The following ANKRD17 variants were observed in gnomAD, a reference collection of about 807,000 sequenced individuals.
The protein encoded by ANKRD17 is ankyrin repeat domain 17, also known as ankyrin repeat domain-containing protein 17.
In ANKRD17, 19 loss-of-function variants were observed where a neutral mutation model predicts 229.7. The observed-to-expected ratio is 0.08, with a 90% confidence interval of 0.06 to 0.12. ANKRD17 has a LOEUF of 0.12. Ranked by LOEUF, ANKRD17 falls within the 10% of genes least tolerant of loss-of-function variation. The probability of loss-of-function intolerance (pLI) is 1.00; values close to 1 mark genes in which losing one functional copy is unlikely to be tolerated. For missense variants in ANKRD17, 2,176 were observed against 3,176.8 expected, an observed-to-expected ratio of 0.68 and a Z score of 7.57; for synonymous variants, 1,112 against 1,146.1, an observed-to-expected ratio of 0.97 and a Z score of 0.60.
chr4:73,146,659 A>C (rs1033703732), intron 10 of ANKRD17, 105 bp downstream of exon 10: 7 of 835,092 alleles, frequency 8.4e-6, no homozygotes, highest in Non-Finnish European at 1.2e-5. Context: ...AATAAAAAAA[A>C]CAATAAAACT....
chr4:73,202,396 T>C (rs1043582207), intron 1 of ANKRD17, among the ~76,000 whole-genome samples: 1 of 142,422 alleles, frequency 7.0e-6, no homozygotes, highest in African/African-American at 2.6e-5. Flanking sequence ...GATCAGAGTT[T>C]AGAGAAATTA....
Position 73,077,398 on chromosome 4 carries a change from T to A in ANKRD17, c.7544A>T (p.His2515Leu). The A allele has an allele frequency of 6.2e-7, 1 of 1,613,608 alleles. No homozygotes were observed. The highest frequency in any genetic ancestry group is 8.5e-7 in the Non-Finnish European group (1 of 1,179,830). Residue 2515 changes from histidine (H) to leucine (L), a missense_variant, in exon 32 of 34, where the codon CAT (histidine) becomes CTT (leucine). This residue lies in a region of ANKRD17 where 159 missense variants were observed against 214.3 expected (regional missense o/e 0.74). Transcript: ENST00000358602. ...TGIVTPSGTF[H>L]QHVPAGYMDF... is the part of the protein sequence containing the mutation. Reference sequence around the variant, plus strand: ...CATGTAGCCTGCAGGAACATGCTGATGGAATGTACCAGAAGGAGTTACAAT... The same window carrying A: ...CATGTAGCCTGCAGGAACATGCTGAAGGAATGTACCAGAAGGAGTTACAAT...
intron 3 of ANKRD17, among the ~76,000 whole-genome samples, chr4:73,157,949 G>GTAGT (rs1731889606): frequency 1.3e-5 from 2 of 151,870 alleles, no homozygotes; most frequent in Non-Finnish European, 2.9e-5. Context: ...AAAATTAGCC[G>GTAGT]GGCATGGCAG....
At chr4:73,105,690 G>T (rs144592260) in intron 24 of ANKRD17, among the ~76,000 whole-genome samples, 2 of 152,198 alleles carry the variant, frequency 1.3e-5, no homozygotes, top group African/African-American at 4.8e-5. Flanking sequence ...TAGTTTATTG[G>T]AGAAGGAGGT....
intron 1 of ANKRD17, among the ~76,000 whole-genome samples, chr4:73,234,160 TTC>T (rs1176279365): frequency 1.3e-5 from 2 of 152,176 alleles, no homozygotes; most frequent in Non-Finnish European, 2.9e-5. Context: ...CCAGATTATT[TTC>T]TCTTTTGATT....
intron 1 of ANKRD17, among the ~76,000 whole-genome samples, chr4:73,189,024 T>A (rs537881788): frequency 6.6e-6 from 1 of 152,288 alleles, no homozygotes; most frequent in East Asian, 1.9e-4. Context: ...CAATGACAGA[T>A]AAATCTAACC....
intron 30 of ANKRD17, among the ~76,000 whole-genome samples, chr4:73,084,847 T>C (rs1240011731): frequency 6.6e-6 from 1 of 152,038 alleles, no homozygotes; most frequent in Non-Finnish European, 1.5e-5. Flanking sequence ...AAAGTAAACA[T>C]AAATTAATAA....
chr4:73,220,188 A>C (rs1048535523), intron 1 of ANKRD17, among the ~76,000 whole-genome samples: 1 of 152,196 alleles, frequency 6.6e-6, no homozygotes, highest in African/African-American at 2.4e-5. Context: ...CTAAAATTAT[A>C]ATCATGTCTC....
intron 3 of ANKRD17, among the ~76,000 whole-genome samples, chr4:73,157,624 T>C (rs908505318): frequency 2.0e-5 from 3 of 152,186 alleles, no homozygotes; most frequent in Non-Finnish European, 4.4e-5. Flanking sequence ...TAAAGGCACC[T>C]ACAGATAATC....
rs1722732996 is a variant in ANKRD17, at chr4:73,090,923, A to G, written c.6705T>C (p.His2235=). 6.8e-6 allele frequency: 11 copies of G among 1,614,114 alleles called. No homozygotes were observed. The South Asian group carries it at 8.8e-5, about 13-fold the overall frequency. ...STQSACQNSV[H]PANKPIAPNF... ...TGGGAGCAATAGGCTTATTTGCTGG[A>G]TGTACTGAATTCTGACAAGCACTTT... The change falls in exon 29 of 34, where the codon CAT becomes CAC. Residue 2235 remains histidine (H), a synonymous_variant. Coordinates refer to ENST00000358602, the MANE Select transcript of ANKRD17 (RefSeq NM_032217.5).
chr4:73,184,497 C>A (rs1736010419), intron 1 of ANKRD17, among the ~76,000 whole-genome samples: 1 of 131,178 alleles, frequency 7.6e-6, no homozygotes, highest in African/African-American at 2.9e-5. Context: ...CCATTGCACC[C>A]AGCCTGAGGG....
chr4:73,162,827 A>G (rs969123679), intron 2 of ANKRD17, among the ~76,000 whole-genome samples: 9 of 152,096 alleles, frequency 5.9e-5, no homozygotes, highest in Middle Eastern at 3.4e-3. Context: ...GCTGCCCATC[A>G]GCATCACTTG....
At chr4:73,189,165 C>T (rs745713128) in intron 1 of ANKRD17, among the ~76,000 whole-genome samples, 1 of 152,062 alleles carries the variant, frequency 6.6e-6, no homozygotes, top group Non-Finnish European at 1.5e-5. Context: ...GATGGAAAAA[C>T]TCTCTAGTTC....
chr4:73,201,203 ACAGT>A (rs968800638), intron 1 of ANKRD17, among the ~76,000 whole-genome samples: 2 of 152,132 alleles, frequency 1.3e-5, no homozygotes, highest in South Asian at 2.1e-4. Flanking sequence ...AATGTAAATA[ACAGT>A]CAGAAAAAAA....
At chr4:73,161,411 GTTAC>G in intron 2 of ANKRD17, 63 bp from the exon 3 acceptor site, 1 of 1,545,932 alleles carries the variant, frequency 6.5e-7, no homozygotes, top group Non-Finnish European at 8.9e-7. Flanking sequence ...CAAAATTCAA[GTTAC>G]TTAAAGCTAT....
chr4:73,084,214 C>A (rs1371835287), intron 30 of ANKRD17, among the ~76,000 whole-genome samples: 2 of 152,062 alleles, frequency 1.3e-5, no homozygotes, highest in Admixed American at 6.6e-5. Flanking sequence ...ACTGTCTCTA[C>A]TAAAAATACA....
intron 1 of ANKRD17, among the ~76,000 whole-genome samples, chr4:73,254,777 A>G (rs896125958): frequency 6.6e-6 from 1 of 152,108 alleles, no homozygotes; most frequent in African/African-American, 2.4e-5. Context: ...TCCAAAAAAA[A>G]AAAAAGAAAG....
rs35160047 is a variant in ANKRD17, at chr4:73,250,589, C to CAAAAAAAAAAAAAAAAA, written c.393+7670_393+7686dup. Among the ~76,000 whole-genome samples the CAAAAAAAAAAAAAAAAA allele has an allele frequency of 6.1e-4, 18 of 29,408 alleles. 2 individuals are homozygous for CAAAAAAAAAAAAAAAAA. The highest frequency in any genetic ancestry group is 6.6e-4 in the Non-Finnish European group (12 of 18,204). 19.3% of individuals were successfully genotyped at this position (29,408 alleles called of 152,430 possible). A position where few individuals can be genotyped will look rare whatever the true frequency, so the allele number is the denominator to read the frequency against. Reference sequence around the variant, plus strand: ...CACTCCAGCATAGATGACCTTGTCTCAAAAAAAAAAAAAAAAAAAAAAAAA... The same window carrying CAAAAAAAAAAAAAAAAA: ...CACTCCAGCATAGATGACCTTGTCTCAAAAAAAAAAAAAAAAAAAAAAAAAAAAAAAAAAAAAAAAAA... On this transcript the variant is annotated intron_variant, in intron 1 of 33. Transcript: ENST00000358602.
At position 73,141,742 on chromosome 4, in the gene ANKRD17, T is replaced by A; in HGVS notation, c.2331A>T (p.Lys777Asn). ...ACAGTCTTTAGAAGTATAACTGACC[T>A]TTATTCCTGATGGGAAGAGTGGTGG... ...NVATTLPIRN[K>N]AASKQKSSSH... The change falls in exon 14 of 34, where the codon AAA becomes AAT. Residue 777 changes from lysine to asparagine, a missense_variant and splice_region_variant. Physicochemically the swap from Lys to Asn is moderately conservative, Grantham distance 94. Around this residue, in one of 18 missense-constraint regions of ANKRD17, gnomAD observed 275 missense variants for 386.9 expected, o/e 0.71. Transcript: ENST00000358602. 1 of 1,612,976 alleles carries A rather than the reference T, an allele frequency of 6.2e-7. No individual in the cohort carries two copies. Among genetic ancestry groups the A allele is most frequent in the Non-Finnish European group, 8.5e-7 (1 of 1,179,032 alleles).
Sources: allele counts gnomAD v4.1 joint callset (sites outside exome capture counted in the v4.1 genomes callset), GRCh38; gene constraint gnomAD v4.1.1; regional missense constraint gnomAD v4.1.1; transcripts MANE v1.5; gene names NCBI Gene and HGNC (gene_info 2026-07-23, HGNC 2026-07-21).